CAPN13: variants seen among roughly 807,000 people sequenced by gnomAD.
CAPN13 encodes the protein calpain 13.
CAPN13 carries 90 observed loss-of-function variants against 98.4 expected under a neutral mutation model. The ratio of observed to expected loss-of-function variants is 0.92; its 90% CI spans 0.77 to 1.09. The LOEUF (loss-of-function observed/expected upper bound fraction) is 1.09. Among genes scored for constraint, CAPN13 ranks in the 50% least tolerant of loss-of-function variants. The probability of loss-of-function intolerance (pLI) is 0.00; values close to 1 mark genes in which losing one functional copy is unlikely to be tolerated. For missense variants in CAPN13, 887 were observed against 841.3 expected (o/e 1.05, Z -0.67); for synonymous variants, 330 against 305.5 (o/e 1.08, Z -0.84).
intron 1 of CAPN13, among the ~76,000 whole-genome samples, chr2:30,800,505 C>T (rs576846478): frequency 1.3e-5 from 2 of 152,320 alleles, no homozygotes; most frequent in Non-Finnish European, 2.9e-5. Flanking sequence ...CAGAAAGAAT[C>T]TGTGAAGCTC....
At chr2:30,756,118 C>T (rs1672431490) in intron 8 of CAPN13, among the ~76,000 whole-genome samples, 1 of 152,056 alleles carries the variant, frequency 6.6e-6, no homozygotes, top group Non-Finnish European at 1.5e-5. Flanking sequence ...ATCCGTCTCC[C>T]CCAGTCCCTG....
chr2:30,758,120 G>C lies in CAPN13; in HGVS notation c.792C>G (p.Gly264=), dbSNP rs558172065. 4 of 1,604,938 alleles carry C rather than the reference G, an allele frequency of 2.5e-6. No individual in the cohort carries two copies. The East Asian group carries it at 9.0e-5, about 36-fold the overall frequency. Residue 264 remains glycine (G), a synonymous_variant, in exon 8 of 23, where the codon GGC becomes GGG. Transcript: ENST00000295055. ...TGAEQIQYRR[G]WEEIISLWNP... ...TCCACAGGGAGATAATTTCTTCCCA[G>C]CCCCTTCGGTATTGAATCTGTAAAG... is the stretch of plus-strand genomic sequence containing the variant.
rs771397879 is a variant in CAPN13, at chr2:30,732,473, A to G, written c.1892T>C (p.Leu631Pro). 2.5e-6 allele frequency: 4 copies of G among 1,613,554 alleles called. No individual in the cohort carries two copies. The South Asian group carries it at 3.3e-5, about 13-fold the overall frequency. Residue 631 changes from leucine to proline, a missense_variant, in exon 20 of 23, where the codon CTG (leucine) becomes CCG (proline). Transcript: ENST00000295055. ...TTCAAGCCGCATCAGGAAGCAGACCAGGCTGGGGAAGCTGACCCTGCCGAC... is the reference window on the plus strand; with the variant it reads ...TTCAAGCCGCATCAGGAAGCAGACCGGGCTGGGGAAGCTGACCCTGCCGAC... ...DSVGRVSFPS[L>P]VCFLMRLEAM...
At chr2:30,774,498 G>C (rs912456146) in intron 4 of CAPN13, among the ~76,000 whole-genome samples, 31 of 152,156 alleles carry the variant, frequency 2.0e-4, no homozygotes, top group African/African-American at 7.5e-4. Context: ...CAGATTACAA[G>C]AGGTTAAATG....
Position 30,731,387 on chromosome 2 carries a change from T to C in CAPN13, c.1940A>G (p.Asn647Ser), listed in dbSNP as rs762927415. 1 of 1,609,740 alleles carries C rather than the reference T, an allele frequency of 6.2e-7. No homozygotes were observed. The highest frequency in any genetic ancestry group is 8.5e-7 in the Non-Finnish European group (1 of 1,177,998). Residue 647 changes from asparagine (N) to serine (S), a missense_variant, in exon 21 of 23, where the codon AAC (asparagine) becomes AGC (serine). Coordinates refer to ENST00000295055, the MANE Select transcript of CAPN13 (RefSeq NM_144575.3). The part of the protein sequence containing the change: ...RLEAMAKTFR[N>S]LSKDGKGLYL... Reference sequence around the variant, plus strand: ...GAGTCCTTTTCCATCCTTAGAGAGGTTGCGGAAGGTCTCTAGGATAAAGAA... The same window carrying C: ...GAGTCCTTTTCCATCCTTAGAGAGGCTGCGGAAGGTCTCTAGGATAAAGAA...
intron 1 of CAPN13, among the ~76,000 whole-genome samples, chr2:30,792,651 C>G (rs1380402271): frequency 2.6e-5 from 4 of 151,962 alleles, no homozygotes; most frequent in Non-Finnish European, 5.9e-5. Context: ...TAACACTAAT[C>G]TTACGTGAAC....
At position 30,738,257 on chromosome 2, in the gene CAPN13, C is replaced by T. The variant is rs745335171; in HGVS notation, c.1631G>A (p.Arg544His). The T allele has an allele frequency of 7.4e-6, 12 of 1,613,734 alleles. No individual in the cohort carries two copies. Among genetic ancestry groups the T allele is most frequent in the Admixed American group, 3.3e-5 (2 of 59,988 alleles). ...PGDMFSLDEC[R>H]SLVALMELKV... ...TACTTCCATCAGAGCCACCAAGCTG[C>T]GGCACTCATCTAAGGAGAACATGTC... The change falls in exon 17 of 23, where the codon CGC (arginine) becomes CAC (histidine). Residue 544 changes from arginine (R) to histidine (H), a missense_variant. Transcript: ENST00000295055.
chr2:30,741,848 C>T lies in CAPN13; in HGVS notation c.1536+60G>A, dbSNP rs755404960. On this transcript the variant is annotated intron_variant, in intron 15 of 22. Coordinates refer to ENST00000295055, the MANE Select transcript of CAPN13 (RefSeq NM_144575.3). ...CCAGTAAGGGCCTGTGAGAGCTGTC[C>T]CTCCCTCAGGTCCCCTTTCTCCAAT... 27 of 1,612,590 alleles carry T rather than the reference C, an allele frequency of 1.7e-5. No individual in the cohort carries two copies. In the South Asian group the frequency reaches 2.8e-4, roughly 16 times the overall value.
At chr2:30,790,584 G>A (rs554158082) in intron 1 of CAPN13, among the ~76,000 whole-genome samples, 7 of 152,326 alleles carry the variant, frequency 4.6e-5, no homozygotes, top group Admixed American at 1.3e-4. Flanking sequence ...TGGTGTCTAC[G>A]AAACGAGCTT....
At position 30,738,395 on chromosome 2, in the gene CAPN13, C is replaced by T. The variant is rs561264625; in HGVS notation, c.1594+5G>A. 3 of 1,609,386 alleles carry T rather than the reference C, an allele frequency of 1.9e-6. No homozygotes were observed. Among genetic ancestry groups the T allele is most frequent in the East Asian group, 2.2e-5 (1 of 44,726 alleles). Reference sequence around the variant, plus strand: ...GGGGCCAGCTTGCCCTTGGGCTGCTCATACCTGTTAGAAGCTCCTGGTTGA... The same window carrying T: ...GGGGCCAGCTTGCCCTTGGGCTGCTTATACCTGTTAGAAGCTCCTGGTTGA... On this transcript the variant is annotated splice_donor_5th_base_variant and intron_variant, in intron 16 of 22. Coordinates refer to ENST00000295055, the MANE Select transcript of CAPN13 (RefSeq NM_144575.3).
intron 1 of CAPN13, among the ~76,000 whole-genome samples, chr2:30,800,964 T>C (rs975200180): frequency 2.0e-5 from 3 of 152,250 alleles, no homozygotes; most frequent in African/African-American, 7.2e-5. Context: ...ATGGTTTTTT[T>C]CTTTTTTCAT....
chr2:30,781,721 C>T (rs1673991299), intron 2 of CAPN13, among the ~76,000 whole-genome samples: 2 of 152,136 alleles, frequency 1.3e-5, no homozygotes, highest in South Asian at 4.1e-4. Flanking sequence ...CTCCAGATTG[C>T]AGGTGGCATA....
intron 15 of CAPN13, among the ~76,000 whole-genome samples, chr2:30,739,965 C>T (rs1019816390): frequency 8.5e-5 from 13 of 152,272 alleles, no homozygotes; most frequent in African/African-American, 2.6e-4. Context: ...ATAGACCTAG[C>T]TCATCCCAGA....
intron 8 of CAPN13, among the ~76,000 whole-genome samples, chr2:30,755,375 G>A (rs1672392336): frequency 6.6e-6 from 1 of 152,156 alleles, no homozygotes. Flanking sequence ...TCCTGAGCCT[G>A]GCTGGCCATC....
At chr2:30,740,094 T>G (rs867599542) in intron 15 of CAPN13, among the ~76,000 whole-genome samples, 16,165 of 139,654 alleles carry the variant, frequency 0.12, 3,452 homozygotes, top group African/African-American at 0.41. Context: ...TTTTTTTTTT[T>G]TTTTTTTTTT....
intron 20 of CAPN13, among the ~76,000 whole-genome samples, chr2:30,732,024 G>A (rs1485246406): frequency 6.6e-6 from 1 of 152,030 alleles, no homozygotes; most frequent in African/African-American, 2.4e-5. Context: ...TGGAAACTTC[G>A]GCCCACACAG....
Position 30,770,304 on chromosome 2 carries a change from T to C in CAPN13, c.524+9A>G. 1.2e-6 allele frequency: 2 copies of C among 1,613,284 alleles called. No homozygotes were observed. The highest frequency in any genetic ancestry group is 1.7e-6 in the Non-Finnish European group (2 of 1,179,420). On this transcript the variant is annotated intron_variant, in intron 5 of 22. Coordinates refer to ENST00000295055, the MANE Select transcript of CAPN13 (RefSeq NM_144575.3). ...ACTCTGGGCTGATGGGTGGCGGGGT[T>C]GTACTTACTTGGCATAGGCCTTCTC...
Position 30,754,871 on chromosome 2 carries a change from T to C in CAPN13, c.867-507A>G, listed in dbSNP as rs1672365905. On this transcript the variant is annotated intron_variant, in intron 8 of 22. Coordinates refer to ENST00000295055, the MANE Select transcript of CAPN13 (RefSeq NM_144575.3). ...ATCCACCTGGTCTCCCTGAACTCAG[T>C]TCTGCCCACTTTCCCATCCGTTCCC... Among the ~76,000 whole-genome samples the C allele has an allele frequency of 2.0e-5, 3 of 152,220 alleles. No individual in the cohort carries two copies. The South Asian group carries it at 6.2e-4, about 32-fold the overall frequency.
intron 5 of CAPN13, among the ~76,000 whole-genome samples, chr2:30,766,463 C>T (rs1673117372): frequency 6.6e-6 from 1 of 152,240 alleles, no homozygotes; most frequent in African/African-American, 2.4e-5. Context: ...AAGGAGCTAT[C>T]TTTCTGCTTT....
Sources: allele counts gnomAD v4.1 joint callset (sites outside exome capture counted in the v4.1 genomes callset), GRCh38; gene constraint gnomAD v4.1.1; transcripts MANE v1.5; gene names NCBI Gene and HGNC (gene_info 2026-07-23, HGNC 2026-07-21).